The following ARMC9 variants were observed in gnomAD, a reference collection of about 807,000 sequenced individuals.
ARMC9 encodes armadillo repeat containing 9, also known as lisH domain-containing protein ARMC9.
Under a neutral mutation model 107.0 loss-of-function variants are expected in ARMC9, and 94 were observed. That is an observed-to-expected ratio of 0.88 (90% CI 0.74 to 1.04). The LOEUF is 1.04. Ranked by LOEUF, ARMC9 falls within the 50% of genes least tolerant of loss-of-function variation. The probability of loss-of-function intolerance (pLI) is 0.00; values close to 1 mark genes in which losing one functional copy is unlikely to be tolerated. For synonymous variants in ARMC9, 380 were observed against 396.9 expected (o/e 0.96, Z 0.51); for missense variants, 942 against 1,030.1 (o/e 0.91, Z 1.17).
chr2:231,340,059 C>G (rs2044402214), intron 20 of ARMC9, among the ~76,000 whole-genome samples: 1 of 151,242 alleles, frequency 6.6e-6, no homozygotes, highest in Admixed American at 6.6e-5. Context: ...CATATACATT[C>G]TATAAGTTTT....
chr2:231,336,983 G>A (rs369503512), intron 20 of ARMC9, among the ~76,000 whole-genome samples: 2 of 152,196 alleles, frequency 1.3e-5, no homozygotes, highest in African/African-American at 4.8e-5. Context: ...TGCTGTACCC[G>A]GTCCTGCTGT....
chr2:231,234,253 G>A (rs944402157), intron 7 of ARMC9, among the ~76,000 whole-genome samples: 4 of 152,188 alleles, frequency 2.6e-5, no homozygotes, highest in East Asian at 1.9e-4. Flanking sequence ...TGCCAACACC[G>A]ATGAGGATTT....
chr2:231,370,169 G>A (rs1452855476), intron 24 of ARMC9, 44 bp downstream of exon 24: 62 of 1,467,472 alleles, frequency 4.2e-5, no homozygotes, highest in Non-Finnish European at 5.2e-5. Flanking sequence ...CTGGCCACCC[G>A]CCAACCTGCA....
chr2:231,333,580 A>G lies in ARMC9; in HGVS notation c.1878+1683A>G, dbSNP rs540440385. On this transcript the variant is annotated intron_variant, in intron 20 of 24. Transcript: ENST00000611582. ...GGTTCCAAGTTGTTGATGGAAGCCT[A>G]AGGCTTGACTAGGCCTCTGTCGCCC... is the stretch of plus-strand genomic sequence containing the variant. 1.1e-4 allele frequency among the ~76,000 whole-genome samples: 16 copies of G among 152,360 alleles called. No homozygotes were observed. In the South Asian group the frequency reaches 3.1e-3, roughly 30 times the overall value.
At chr2:231,268,911 T>G (rs2125427111) in intron 12 of ARMC9, among the ~76,000 whole-genome samples, 1 of 152,142 alleles carries the variant, frequency 6.6e-6, no homozygotes, top group East Asian at 1.9e-4. Context: ...AAAAAAATTC[T>G]TTTAAATTAA....
chr2:231,259,719 A>G (rs978484305), intron 11 of ARMC9, among the ~76,000 whole-genome samples: 1 of 152,194 alleles, frequency 6.6e-6, no homozygotes, highest in African/African-American at 2.4e-5. Flanking sequence ...TTGGCTGGGC[A>G]TGGTGGCTCA....
chr2:231,242,617 CTG>C (rs2036403473), intron 9 of ARMC9, among the ~76,000 whole-genome samples: 1 of 152,138 alleles, frequency 6.6e-6, no homozygotes, highest in Admixed American at 6.5e-5. Flanking sequence ...CTTACCAAAA[CTG>C]TGGCTTTCTC....
intron 3 of ARMC9, among the ~76,000 whole-genome samples, chr2:231,212,378 G>A (rs76383755): frequency 0.018 from 2,744 of 152,336 alleles, 89 homozygotes; most frequent in African/African-American, 0.064. Context: ...AGATGTGATT[G>A]TAATGACATA....
rs1470520001 is a variant in ARMC9 at position 231,297,764 on chromosome 2, C to A, written c.1773+1511C>A. Among the ~76,000 whole-genome samples, 2 of 152,170 alleles carry A rather than the reference C, an allele frequency of 1.3e-5. No homozygotes were observed. Among genetic ancestry groups the A allele is most frequent in the African/African-American group, 4.8e-5 (2 of 41,440 alleles). On this transcript the variant is annotated intron_variant, in intron 19 of 24. Transcript: ENST00000611582. This position sits in a 1 kb window ranked among gnomAD's most constrained non-coding sequence, Gnocchi z 4.2. Reference sequence around the variant, plus strand: ...TTCTCTTGATTATAATGAGTCACCACCTTTGTGCCTGGCCCTTCAATATCA... The same window carrying A: ...TTCTCTTGATTATAATGAGTCACCAACTTTGTGCCTGGCCCTTCAATATCA...
chr2:231,211,108 A>G (rs1327549402), intron 3 of ARMC9, among the ~76,000 whole-genome samples: 1 of 151,398 alleles, frequency 6.6e-6, no homozygotes, highest in Non-Finnish European at 1.5e-5. Context: ...AGGCTGAATA[A>G]TAATCTGTGA....
intron 12 of ARMC9, among the ~76,000 whole-genome samples, chr2:231,262,612 C>T (rs553911079): frequency 2.0e-5 from 3 of 152,284 alleles, no homozygotes; most frequent in East Asian, 3.9e-4. Context: ...ATCTCTGGAG[C>T]TCTTTTCTGC....
intron 18 of ARMC9, among the ~76,000 whole-genome samples, chr2:231,292,228 A>C (rs528251193): frequency 6.6e-6 from 1 of 151,994 alleles, no homozygotes; most frequent in Non-Finnish European, 1.5e-5. Flanking sequence ...AAAGATTAAC[A>C]ATCTCTTATC....
rs1187219685 is a variant in ARMC9, at chr2:231,370,138, G to A, written c.2434+13G>A. 3.3e-6 allele frequency: 5 copies of A among 1,507,550 alleles called. No homozygotes were observed. Among genetic ancestry groups the A allele is most frequent in the Non-Finnish European group, 4.4e-6 (5 of 1,129,532 alleles). The allele number at this position is 1,507,550 out of a possible 1,614,324, so 93.4% of individuals were successfully genotyped here. On this transcript the variant is annotated intron_variant, in intron 24 of 24. Coordinates refer to ENST00000611582, the MANE Select transcript of ARMC9 (RefSeq NM_001352754.2). ...AGGGGCCTGCCGAGTAAGTCAGCCT[G>A]GGCCCCACTGGCGTGGGAGCCTGGC...
At chr2:231,296,443 C>T (rs1051979494) in intron 19 of ARMC9, among the ~76,000 whole-genome samples, 190 bp downstream of exon 19, 1 of 152,172 alleles carries the variant, frequency 6.6e-6, no homozygotes, top group Non-Finnish European at 1.5e-5. Context: ...GTGGGGAGCC[C>T]AGCGGCCATG....
chr2:231,369,539 C>A (rs1274249474), intron 23 of ARMC9, among the ~76,000 whole-genome samples: 1 of 151,724 alleles, frequency 6.6e-6, no homozygotes, highest in Non-Finnish European at 1.5e-5. Context: ...GGTGATCCGC[C>A]CGCCTCGGCC....
intron 21 of ARMC9, among the ~76,000 whole-genome samples, chr2:231,350,620 C>A (rs1469808035): frequency 1.6e-5 from 2 of 129,032 alleles, no homozygotes; most frequent in Non-Finnish European, 3.0e-5. Flanking sequence ...AGACCCTTGT[C>A]TCAAAAAAAA....
At chr2:231,293,234 T>G (rs1305499779) in intron 18 of ARMC9, among the ~76,000 whole-genome samples, 3 of 152,212 alleles carry the variant, frequency 2.0e-5, no homozygotes. Context: ...CTCTCAGCCC[T>G]CATTCTGGCA....
intron 23 of ARMC9, among the ~76,000 whole-genome samples, chr2:231,365,770 C>T (rs2045791522): frequency 6.6e-6 from 1 of 152,204 alleles, no homozygotes; most frequent in African/African-American, 2.4e-5. Flanking sequence ...GTCTCAAGCT[C>T]CTCGGCCTCC....
chr2:231,261,744 T>C (rs2038365132), intron 11 of ARMC9, among the ~76,000 whole-genome samples: 2 of 152,190 alleles, frequency 1.3e-5, no homozygotes, highest in Non-Finnish European at 2.9e-5. Flanking sequence ...ACTTACAGTC[T>C]GAGCATTTTG....
Sources: gnomAD v4.1 joint callset for allele counts (sites outside exome capture counted in the v4.1 genomes callset) on GRCh38, gnomAD v4.1.1 for gene constraint, Gnocchi (gnomAD v3.1) non-coding constraint, MANE v1.5 for transcripts, NCBI Gene and HGNC (gene_info 2026-07-23, HGNC 2026-07-21) for gene names.